Variants in PROCR observed in about 807,000 individuals in gnomAD.
PROCR encodes the protein protein C receptor.
A neutral mutation model predicts 24.2 loss-of-function variants in PROCR; 22 were observed. That is an observed-to-expected ratio of 0.91 (90% confidence interval 0.65 to 1.30). PROCR has a LOEUF of 1.30. Ranked by LOEUF, PROCR falls within the 50% of genes most tolerant of loss-of-function variation. The pLI is 0.00. For missense variants in PROCR, 288 were observed against 307.7 expected, an observed-to-expected ratio of 0.94 and a Z score of 0.48; for synonymous variants, 137 against 139.2, an observed-to-expected ratio of 0.98 and a Z score of 0.11.
At chr20:35,190,915 A>T (rs934878303) in intron 1 of PROCR, among the ~76,000 whole-genome samples, 1 of 152,108 alleles carries the variant, frequency 6.6e-6, no homozygotes, top group African/African-American at 2.4e-5. Flanking sequence ...GCTGGAGTGC[A>T]GTGGTGTGAT....
chr20:35,199,954 CTT>C (rs2060312699), intron 1 of PROCR, among the ~76,000 whole-genome samples: 1 of 152,004 alleles, frequency 6.6e-6, no homozygotes, highest in Non-Finnish European at 1.5e-5. Context: ...TCATGAATGA[CTT>C]TGAGAGGTTC....
intron 1 of PROCR, among the ~76,000 whole-genome samples, chr20:35,208,201 G>A (rs2060349138): frequency 6.6e-6 from 1 of 152,174 alleles, no homozygotes; most frequent in African/African-American, 2.4e-5. Context: ...GCATGCCAAG[G>A]ACATCCTGTG....
downstream of PROCR, chr20:35,177,409 C>T: frequency 1.0e-6 from 1 of 966,408 alleles, no homozygotes; most frequent in Non-Finnish European, 1.2e-6. Context: ...GTAACCTATA[C>T]CCATTTCTTC....
chr20:35,175,094 GC>G (rs2085998000), intron 2 of PROCR, 141 bp downstream of exon 2: 1 of 1,040,372 alleles, frequency 9.6e-7, no homozygotes, highest in Middle Eastern at 3.2e-4. Flanking sequence ...TGGCGCCTGG[GC>G]CTTTGAAGAT....
chr20:35,200,820 G>C (rs1365760607), intron 1 of PROCR, among the ~76,000 whole-genome samples: 1 of 152,076 alleles, frequency 6.6e-6, no homozygotes, highest in Non-Finnish European at 1.5e-5. Context: ...GCTAATTTTT[G>C]TATTTTTAGT....
intron 1 of PROCR, among the ~76,000 whole-genome samples, chr20:35,192,566 A>G (rs1356307910): frequency 2.6e-5 from 4 of 152,070 alleles, no homozygotes; most frequent in Non-Finnish European, 4.4e-5. Flanking sequence ...TAGCTTCCCT[A>G]TCTTAGTGCA....
chr20:35,192,400 T>C (rs912720754), intron 1 of PROCR, among the ~76,000 whole-genome samples: 3 of 152,206 alleles, frequency 2.0e-5, no homozygotes, highest in African/African-American at 7.2e-5. Flanking sequence ...CACACTCTCT[T>C]ACAGACTAAG....
At chr20:35,182,766 A>G (rs1387180828) in intron 1 of PROCR, among the ~76,000 whole-genome samples, 1 of 152,126 alleles carries the variant, frequency 6.6e-6, no homozygotes, top group East Asian at 1.9e-4. Flanking sequence ...ACCTGAGGTC[A>G]GGTGTTCGAG....
intron 1 of PROCR, among the ~76,000 whole-genome samples, chr20:35,206,211 A>G (rs925663827): frequency 8.6e-5 from 13 of 151,626 alleles, no homozygotes; most frequent in African/African-American, 2.9e-4. Context: ...GCAGTGCCTC[A>G]TGCCTGTAAT....
intron 1 of PROCR, 92 bp from the exon 2 acceptor site, chr20:35,174,609 CG>C: frequency 6.6e-7 from 1 of 1,518,132 alleles, no homozygotes; most frequent in Non-Finnish European, 9.1e-7. Context: ...GTCGAGAAGG[CG>C]GGCGGCCAGC....
chr20:35,182,583 C>G (rs1313843068), intron 1 of PROCR, among the ~76,000 whole-genome samples: 1 of 152,086 alleles, frequency 6.6e-6, no homozygotes, highest in East Asian at 1.9e-4. Flanking sequence ...TGATCCTTCT[C>G]AAGGAGCCCA....
At chr20:35,207,675 G>A (rs1371716190) in intron 1 of PROCR, among the ~76,000 whole-genome samples, 4 of 151,954 alleles carry the variant, frequency 2.6e-5, no homozygotes, top group South Asian at 2.1e-4. Flanking sequence ...GACTACAGGC[G>A]CTCACCACCA....
At chr20:35,192,559 C>T (rs1198651150) in intron 1 of PROCR, among the ~76,000 whole-genome samples, 1 of 152,114 alleles carries the variant, frequency 6.6e-6, no homozygotes, top group Non-Finnish European at 1.5e-5. Context: ...TTGCTTTTAG[C>T]TTCCCTATCT....
intron 1 of PROCR, among the ~76,000 whole-genome samples, chr20:35,188,232 T>A (rs538374873): frequency 3.3e-5 from 5 of 152,312 alleles, no homozygotes; most frequent in Admixed American, 2.6e-4. Flanking sequence ...CTAGCAGGGA[T>A]GCAAAAGTGG....
At position 35,176,920 on chromosome 20, in the gene PROCR, G is replaced by C. The variant is rs183545237; in HGVS notation, c.*107G>C. The C allele has an allele frequency of 6.9e-5, 106 of 1,540,124 alleles. 2 individuals carry two copies. In the East Asian group the frequency reaches 2.3e-3, roughly 34 times the overall value. On this transcript the variant is annotated 3_prime_UTR_variant, in exon 4 of 4. Coordinates refer to ENST00000216968, the MANE Select transcript of PROCR (RefSeq NM_006404.5). ...CCCAACTGAAACACCAGAAGGTTTGGAGTGACAGCTCCTTTCTTCTCCCAC... is the reference window on the plus strand; with the variant it reads ...CCCAACTGAAACACCAGAAGGTTTGCAGTGACAGCTCCTTTCTTCTCCCAC...
chr20:35,189,687 C>G (rs965308709), intron 1 of PROCR, among the ~76,000 whole-genome samples: 3 of 152,146 alleles, frequency 2.0e-5, no homozygotes, highest in Non-Finnish European at 4.4e-5. Flanking sequence ...CCCCCGGACA[C>G]CCAGCTTTAA....
At position 35,176,180 on chromosome 20, in the gene PROCR, TCCG is replaced by T; in HGVS notation, c.337_339del (p.Arg113del). 1.2e-6 allele frequency: 2 copies of T among 1,614,012 alleles called. No homozygotes were observed. Among genetic ancestry groups the T allele is most frequent in the Non-Finnish European group, 8.5e-7 (1 of 1,179,942 alleles). ...TGTCTATCCACAGTTCCTCTGACCA[TCCG>T]CTGCTTCCTGGGCTGTGAGCTGCCT... On this transcript the variant is annotated inframe_deletion, in exon 3 of 4. Coordinates refer to ENST00000216968, the MANE Select transcript of PROCR (RefSeq NM_006404.5).
chr20:35,181,718 A>G (rs2086080796), downstream of PROCR, among the ~76,000 whole-genome samples: 1 of 152,236 alleles, frequency 6.6e-6, no homozygotes, highest in South Asian at 2.1e-4. Flanking sequence ...GAAAAACGGA[A>G]CGCCTCCTGC....
At chr20:35,180,400 G>A (rs2086066590), downstream of PROCR, among the ~76,000 whole-genome samples, 2 of 152,170 alleles carry the variant, frequency 1.3e-5, no homozygotes. Flanking sequence ...CCCATCCCAG[G>A]GCTGCCCTCA....
Sources: gnomAD v4.1 joint callset for allele counts (sites outside exome capture counted in the v4.1 genomes callset) on GRCh38, gnomAD v4.1.1 for gene constraint, MANE v1.5 for transcripts, NCBI Gene and HGNC (gene_info 2026-07-23, HGNC 2026-07-21) for gene names.